The following NTN1 variants were observed in gnomAD, a reference collection of about 807,000 sequenced individuals.
NTN1 encodes the protein netrin 1.
A neutral mutation model predicts 54.2 loss-of-function variants in NTN1; 11 were observed. That is an observed-to-expected ratio of 0.20 (90% CI 0.13 to 0.34). NTN1 has a LOEUF of 0.34. Ranked by LOEUF, NTN1 falls within the 10% of genes least tolerant of loss-of-function variation. NTN1 has a pLI of 1.00. For synonymous variants in NTN1, 371 were observed against 382.0 expected (o/e 0.97, Z 0.33); for missense variants, 740 against 893.1 (o/e 0.83, Z 2.18).
At position 9,239,617 on chromosome 17, in the gene NTN1, C is replaced by T. The variant is rs369720190; in HGVS notation, c.1487-23C>T. ...TAGCCACAGCAGCTGGGAGCCCACC[C>T]GTCTGCCTGTGCTTCCTTGCAGCCG... On this transcript the variant is annotated intron_variant, in intron 6 of 6. Transcript: ENST00000173229. The surrounding 1 kb of genome is among the most constrained non-coding windows in gnomAD (Gnocchi z 5.2). The T allele has an allele frequency of 1.2e-5, 19 of 1,597,226 alleles. No homozygotes were observed. The highest frequency in any genetic ancestry group is 4.4e-5 in the South Asian group (4 of 90,314).
chr17:9,135,137 C>T lies in NTN1; in HGVS notation c.1019-27676C>T, dbSNP rs2092277155. The stretch of plus-strand genomic sequence containing the variant: ...CATTGTCCCCCAGCCCCTGATGCTC[C>T]CGGCCCATCCTCCCTTCTCTACCCC... On this transcript the variant is annotated intron_variant, in intron 2 of 6. Transcript: ENST00000173229. The surrounding 1 kb of genome is among the most constrained non-coding windows in gnomAD (Gnocchi z 4.4). Among the ~76,000 whole-genome samples, 1 of 152,124 alleles carries T rather than the reference C, an allele frequency of 6.6e-6. No individual in the cohort carries two copies. Among genetic ancestry groups the T allele is most frequent in the African/African-American group, 2.4e-5 (1 of 41,412 alleles).
chr17:9,065,371 A>G (rs1020883308), intron 2 of NTN1, among the ~76,000 whole-genome samples: 3 of 152,020 alleles, frequency 2.0e-5, no homozygotes, highest in Non-Finnish European at 4.4e-5. Context: ...CTGTGGCCAC[A>G]TTGCCCACCT....
In NTN1 at chr17:9,135,461, C is replaced by T. The variant is rs2092277885; in HGVS notation, c.1019-27352C>T. 6.6e-6 allele frequency among the ~76,000 whole-genome samples: 1 copy of T among 152,200 alleles called. No homozygotes were observed. Among genetic ancestry groups the T allele is most frequent in the African/African-American group, 2.4e-5 (1 of 41,442 alleles). ...CCCTATTCTCGGGTTGTCTCCTGTTCCCAGCAATAGTTCATTCGCCACTGT... is the reference window on the plus strand; with the variant it reads ...CCCTATTCTCGGGTTGTCTCCTGTTTCCAGCAATAGTTCATTCGCCACTGT... On this transcript the variant is annotated intron_variant, in intron 2 of 6. Coordinates refer to ENST00000173229, the MANE Select transcript of NTN1 (RefSeq NM_004822.3). The surrounding 1 kb of genome is among the most constrained non-coding windows in gnomAD (Gnocchi z 4.4).
At chr17:9,117,524 T>C (rs1280952810) in intron 2 of NTN1, among the ~76,000 whole-genome samples, 1 of 151,784 alleles carries the variant, frequency 6.6e-6, no homozygotes, top group Non-Finnish European at 1.5e-5. Flanking sequence ...GGAGGGTGGA[T>C]CACAAGGTCA....
intron 2 of NTN1, among the ~76,000 whole-genome samples, chr17:9,141,271 C>G (rs972198946): frequency 1.1e-4 from 17 of 151,266 alleles, no homozygotes; most frequent in African/African-American, 3.9e-4. Context: ...CCAAGTGCAG[C>G]TGGAAGAACG....
chr17:9,187,654 CA>C (rs763852001), intron 5 of NTN1, among the ~76,000 whole-genome samples: 14,424 of 53,078 alleles, frequency 0.27, 225 homozygotes, highest in Middle Eastern at 0.44. Flanking sequence ...CTCATCTCTC[CA>C]AAAAAAAAAA....
intron 2 of NTN1, among the ~76,000 whole-genome samples, chr17:9,045,820 A>G (rs2091939836): frequency 6.6e-6 from 1 of 152,208 alleles, no homozygotes; most frequent in Non-Finnish European, 1.5e-5. Context: ...TTGGTCAAGA[A>G]AAAGAGGAGG....
intron 6 of NTN1, among the ~76,000 whole-genome samples, chr17:9,231,508 C>A (rs1049814463): frequency 1.1e-4 from 16 of 152,228 alleles, no homozygotes; most frequent in Admixed American, 2.6e-4. Flanking sequence ...CGAGCCAAGT[C>A]CCGTGTGTAG....
intron 3 of NTN1, chr17:9,179,069 C>T (rs2092409890): frequency 6.6e-6 from 1 of 152,280 alleles, no homozygotes; most frequent in South Asian, 2.1e-4. Context: ...CTTGAGAATC[C>T]CGGGCCTTGC....
intron 2 of NTN1, among the ~76,000 whole-genome samples, chr17:9,091,454 C>CTT (rs56181757): frequency 0.16 from 21,600 of 135,240 alleles, 2,150 homozygotes; most frequent in African/African-American, 0.25. Flanking sequence ...AACCCCCCGC[C>CTT]TTTTTTTTTT....
intron 2 of NTN1, among the ~76,000 whole-genome samples, chr17:9,114,143 CAAAAAAAAAGAA>C (rs1376242627): frequency 1.6e-5 from 1 of 61,092 alleles, no homozygotes; most frequent in African/African-American, 6.2e-5. Flanking sequence ...GCCTGGGTGC[CAAAAAAAAAGAA>C]AAAAAAAAAA....
chr17:9,122,780 C>A (rs963346263), intron 2 of NTN1, among the ~76,000 whole-genome samples: 1 of 152,188 alleles, frequency 6.6e-6, no homozygotes, highest in African/African-American at 2.4e-5. Flanking sequence ...GGACCTTTTT[C>A]TATTTGCGTA....
chr17:9,121,182 C>G (rs79467836), intron 2 of NTN1, among the ~76,000 whole-genome samples: 1 of 152,122 alleles, frequency 6.6e-6, no homozygotes, highest in Non-Finnish European at 1.5e-5. Context: ...AAACCCCTCA[C>G]TGGGGATGAA....
At chr17:9,124,303 G>A (rs984216842) in intron 2 of NTN1, among the ~76,000 whole-genome samples, 5 of 152,210 alleles carry the variant, frequency 3.3e-5, no homozygotes, top group East Asian at 1.9e-4. Flanking sequence ...GGCAGAGGAC[G>A]TGGGGCTTCC....
chr17:9,230,628 C>T (rs537884187), intron 6 of NTN1, among the ~76,000 whole-genome samples: 6 of 152,068 alleles, frequency 3.9e-5, no homozygotes, highest in South Asian at 2.1e-4. Flanking sequence ...GGTGAGAGCC[C>T]GGTGGGGGCA....
chr17:9,074,236 C>G (rs1412383554), intron 2 of NTN1, among the ~76,000 whole-genome samples: 1 of 152,200 alleles, frequency 6.6e-6, no homozygotes, highest in African/African-American at 2.4e-5. Flanking sequence ...CGTGTAAGCT[C>G]AGCAACTGCA....
At chr17:9,060,369 C>A (rs988491259) in intron 2 of NTN1, among the ~76,000 whole-genome samples, 1 of 152,132 alleles carries the variant, frequency 6.6e-6, no homozygotes, top group African/African-American at 2.4e-5. Context: ...AAAACATATA[C>A]AATATGTATT....
intron 2 of NTN1, among the ~76,000 whole-genome samples, chr17:9,076,164 C>T (rs1386120216): frequency 6.6e-6 from 1 of 152,162 alleles, no homozygotes; most frequent in African/African-American, 2.4e-5. Flanking sequence ...CTTTAAGCCT[C>T]ATGACAGCCA....
the NTN1 span, among the ~76,000 whole-genome samples, chr17:9,008,638 T>C: frequency 6.6e-6 from 1 of 152,206 alleles, no homozygotes; most frequent in African/African-American, 2.4e-5. Flanking sequence ...TATGCAACTT[T>C]ATGAAAATTG....
Sources: gnomAD v4.1 joint callset for allele counts (sites outside exome capture counted in the v4.1 genomes callset) on GRCh38, gnomAD v4.1.1 for gene constraint, Gnocchi (gnomAD v3.1) non-coding constraint, MANE v1.5 for transcripts, NCBI Gene and HGNC (gene_info 2026-07-23, HGNC 2026-07-21) for gene names.